HGF: variants seen among roughly 807,000 people sequenced by gnomAD.
HGF encodes hepatocyte growth factor.
A neutral mutation model predicts 111.6 loss-of-function variants in HGF; 39 were observed. The ratio of observed to expected loss-of-function variants is 0.35; its 90% CI spans 0.27 to 0.46. HGF has a LOEUF of 0.46. Among genes scored for constraint, HGF ranks in the 20% least tolerant of loss-of-function variants. The pLI is 1.00. For missense variants in HGF, 735 were observed against 910.5 expected (o/e 0.81, Z 2.48); for synonymous variants, 285 against 294.8 (o/e 0.97, Z 0.34).
At chr7:81,751,395 A>G (rs1156759848) in intron 5 of HGF, 2 of 985,250 alleles carry the variant, frequency 2.0e-6, no homozygotes, top group East Asian at 1.1e-4. Context: ...TGAAATGGTT[A>G]CTCTTCCATC....
intron 13 of HGF, 32 bp downstream of exon 13, chr7:81,710,115 G>T (rs1211241210): frequency 3.7e-6 from 5 of 1,336,662 alleles, no homozygotes; most frequent in Middle Eastern, 3.6e-4. Context: ...ACATATTCTG[G>T]ATATGCATGA....
Position 81,702,637 on chromosome 7 carries a change from A to G in HGF, c.2131T>C (p.Tyr711His). Residue 711 changes from tyrosine (Y) to histidine (H), a missense_variant, in exon 18 of 18, where the codon TAT becomes CAT. This residue lies in a region of HGF where 52 missense variants were observed against 95.0 expected (regional missense o/e 0.55). Coordinates refer to ENST00000222390, the MANE Select transcript of HGF (RefSeq NM_000601.6). ...NRPGIFVRVA[Y>H]YAKWIHKIIL... is the part of the protein sequence containing the mutation. ...ATTTTGTGTATCCATTTTGCATAAT[A>G]TGCTACTCGGACAAAAATACCAGGA... 2 of 1,611,572 alleles carry G rather than the reference A, an allele frequency of 1.2e-6. No individual in the cohort carries two copies. Among genetic ancestry groups the G allele is most frequent in the Non-Finnish European group, 1.7e-6 (2 of 1,178,270 alleles).
intron 7 of HGF, among the ~76,000 whole-genome samples, chr7:81,742,242 A>G (rs139248035): frequency 6.6e-6 from 1 of 152,312 alleles, no homozygotes; most frequent in African/African-American, 2.4e-5. Context: ...AGAGTTGTCC[A>G]AAACATTTCC....
At chr7:81,713,891 G>T (rs1789638514) in intron 11 of HGF, among the ~76,000 whole-genome samples, 2 of 151,806 alleles carry the variant, frequency 1.3e-5, no homozygotes, top group Non-Finnish European at 2.9e-5. Context: ...AAATATATGT[G>T]ATACAATACT....
At chr7:81,716,038 A>G (rs1297320735) in intron 11 of HGF, among the ~76,000 whole-genome samples, 1 of 152,178 alleles carries the variant, frequency 6.6e-6, no homozygotes, top group Non-Finnish European at 1.5e-5. Flanking sequence ...ACAGCTTTAT[A>G]AAAAGGCTTT....
intron 11 of HGF, among the ~76,000 whole-genome samples, chr7:81,716,686 TA>T (rs1437119675): frequency 6.6e-6 from 1 of 152,220 alleles, no homozygotes; most frequent in Non-Finnish European, 1.5e-5. Context: ...ACATGTTTTT[TA>T]TATAACTTTT....
chr7:81,763,118 GC>G (rs1191725281), intron 1 of HGF: 3 of 464,552 alleles, frequency 6.5e-6, no homozygotes, highest in Admixed American at 7.7e-5. Context: ...AAATTAAGGA[GC>G]TTTTAAAAAT....
Position 81,745,044 on chromosome 7 carries a change from G to A in HGF, c.702C>T (p.Arg234=). ...DHTESGKICQ[R]WDHQTPHRHK... ...GCCGGTGTGGTGTCTGATGATCCCAGCGCTGACAAATCTTGCCTGATTCTG... is the reference window on the plus strand; with the variant it reads ...GCCGGTGTGGTGTCTGATGATCCCAACGCTGACAAATCTTGCCTGATTCTG... Residue 234 remains arginine, a synonymous_variant, in exon 6 of 18, where the codon CGC becomes CGT. Coordinates refer to ENST00000222390, the MANE Select transcript of HGF (RefSeq NM_000601.6). The A allele has an allele frequency of 6.2e-7, 1 of 1,613,972 alleles. No individual in the cohort carries two copies. The highest frequency in any genetic ancestry group is 1.1e-5 in the South Asian group (1 of 91,084).
chr7:81,702,263 GATTA>G lies in HGF; in HGVS notation c.*314_*317del, dbSNP rs545984462. 2 of 322,138 alleles carry G rather than the reference GATTA, an allele frequency of 6.2e-6. No individual in the cohort carries two copies. The highest frequency in any genetic ancestry group is 5.9e-5 in the South Asian group (1 of 16,852). 20.0% of individuals were successfully genotyped at this position (322,138 alleles called of 1,614,324 possible). ...CCAACATCAGAAAGCAGCTTAGACAGATTAATTGATTTTTTTTCCCATGAAATCT... is the reference window on the plus strand; with the variant it reads ...CCAACATCAGAAAGCAGCTTAGACAGATTGATTTTTTTTCCCATGAAATCT... On this transcript the variant is annotated 3_prime_UTR_variant, in exon 18 of 18. Transcript: ENST00000222390.
intron 7 of HGF, chr7:81,742,805 T>C: frequency 6.5e-7 from 1 of 1,549,576 alleles, no homozygotes; most frequent in Non-Finnish European, 8.7e-7. Context: ...GCAGGCTGGG[T>C]ACAAAGACAG....
chr7:81,739,178 T>A (rs772481730), intron 7 of HGF, among the ~76,000 whole-genome samples: 6 of 152,172 alleles, frequency 3.9e-5, no homozygotes, highest in Admixed American at 1.3e-4. Context: ...CATTTCCTAG[T>A]ATAACCAATT....
intron 7 of HGF, among the ~76,000 whole-genome samples, chr7:81,735,395 A>G (rs1308335130): frequency 6.6e-6 from 1 of 152,116 alleles, no homozygotes; most frequent in Admixed American, 6.6e-5. Flanking sequence ...CCCTTGAAAA[A>G]GGGTATTGAC....
chr7:81,722,828 A>AAG (rs1789902567), intron 9 of HGF, among the ~76,000 whole-genome samples: 1 of 138,788 alleles, frequency 7.2e-6, no homozygotes, highest in African/African-American at 3.3e-5. Flanking sequence ...AAAAAAAAAA[A>AAG]AAAGAAATTT....
At chr7:81,741,938 C>CAA (rs71520767) in intron 7 of HGF, among the ~76,000 whole-genome samples, 2,322 of 45,302 alleles carry the variant, frequency 0.051, 152 homozygotes, top group Middle Eastern at 0.068. Flanking sequence ...AACTCCATCT[C>CAA]AAAAAAAAAA....
rs1334614858 is a variant in HGF at position 81,702,053 on chromosome 7, T to C, written c.*528A>G. 5.4e-6 allele frequency: 1 copy of C among 184,986 alleles called. No individual in the cohort carries two copies. The highest frequency in any genetic ancestry group is 1.9e-4 in the South Asian group (1 of 5,324). 11.5% of individuals were successfully genotyped at this position (184,986 alleles called of 1,614,324 possible). A position where few individuals can be genotyped will look rare whatever the true frequency, so the allele number is the denominator to read the frequency against. The stretch of plus-strand genomic sequence containing the variant: ...ATGTGTACATGGGTATGTGGTTTTG[T>C]AAAAAGTGTGTTCGTGTACCAGTAT... On this transcript the variant is annotated 3_prime_UTR_variant, in exon 18 of 18. Transcript: ENST00000222390.
chr7:81,730,553 G>A (rs1482414071), intron 7 of HGF, among the ~76,000 whole-genome samples: 1 of 152,088 alleles, frequency 6.6e-6, no homozygotes, highest in Non-Finnish European at 1.5e-5. Flanking sequence ...GTTATTCCTA[G>A]GAAGATCTAT....
At chr7:81,740,546 GT>G in intron 7 of HGF, among the ~76,000 whole-genome samples, 2 of 152,260 alleles carry the variant, frequency 1.3e-5, no homozygotes, top group Middle Eastern at 3.4e-3. Context: ...TCCCTAATCA[GT>G]TGACTATAAG....
chr7:81,740,710 A>G (rs951341912), intron 7 of HGF, among the ~76,000 whole-genome samples: 2 of 152,212 alleles, frequency 1.3e-5, no homozygotes, highest in Non-Finnish European at 2.9e-5. Context: ...TGTGTCAGAG[A>G]AAGTTAGGCA....
chr7:81,706,014 G>T lies in HGF; in HGVS notation c.1758-261C>A, dbSNP rs5745754. Among the ~76,000 whole-genome samples the T allele has an allele frequency of 0.01, 1,582 of 151,898 alleles. 32 individuals are homozygous for T. Among genetic ancestry groups the T allele is most frequent in the African/African-American group, 0.036 (1,504 of 41,496 alleles). The stretch of plus-strand genomic sequence containing the variant: ...TAAAATAATTATTTTACATTTGAAA[G>T]TTATCAAATAACTGCTGAGTTTCCA... On this transcript the variant is annotated intron_variant, in intron 15 of 17. Transcript: ENST00000222390.
Sources: gnomAD v4.1 joint callset for allele counts (sites outside exome capture counted in the v4.1 genomes callset) on GRCh38, gnomAD v4.1.1 for gene constraint, gnomAD v4.1.1 regional missense constraint, MANE v1.5 for transcripts, NCBI Gene and HGNC (gene_info 2026-07-23, HGNC 2026-07-21) for gene names.